LPCAT3: variants seen among roughly 807,000 people sequenced by gnomAD.
LPCAT3 encodes lysophospholipid acyltransferase 5.
Under a neutral mutation model 63.4 loss-of-function variants are expected in LPCAT3, and 21 were observed. That is an observed-to-expected ratio of 0.33 (90% CI 0.23 to 0.48). The LOEUF (loss-of-function observed/expected upper bound fraction) is 0.48, where lower values mean the gene tolerates loss of function less well. LPCAT3 is among the 20% of genes least tolerant of loss of function. LPCAT3 has a pLI of 0.99. For synonymous variants in LPCAT3, 242 were observed against 227.5 expected, an observed-to-expected ratio of 1.06 and a Z score of -0.58; for missense variants, 451 against 590.6, an observed-to-expected ratio of 0.76 and a Z score of 2.45.
rs1356024395 is a variant in LPCAT3, at chr12:6,986,314, T to C, written c.152-2775A>G. 3.3e-5 allele frequency among the ~76,000 whole-genome samples: 5 copies of C among 152,310 alleles called. No homozygotes were observed. In the East Asian group the frequency reaches 7.7e-4, roughly 23 times the overall value. On this transcript the variant is annotated intron_variant, in intron 1 of 12. Coordinates refer to ENST00000261407, the MANE Select transcript of LPCAT3 (RefSeq NM_005768.6). ...TTTATGCTGATCCACTTCCACTGAATGAAGAGTAAACATATTTTTTCTTGC... is the reference window on the plus strand; with the variant it reads ...TTTATGCTGATCCACTTCCACTGAACGAAGAGTAAACATATTTTTTCTTGC...
intron 1 of LPCAT3, chr12:6,997,366 A>G (rs2018552687): frequency 7.0e-6 from 1 of 143,352 alleles, no homozygotes; most frequent in Admixed American, 7.3e-5. Context: ...TGCCCCCAAA[A>G]CAACAGCAAA....
chr12:6,979,005 G>C (rs1946440143), intron 7 of LPCAT3: 2 of 325,094 alleles, frequency 6.2e-6, no homozygotes, highest in Non-Finnish European at 5.6e-6. Flanking sequence ...GGCCCATATT[G>C]GATTTTAATT....
At position 6,981,583 on chromosome 12, in the gene LPCAT3, A is replaced by G. The variant is rs782317806; in HGVS notation, c.498+12T>C. On this transcript the variant is annotated intron_variant, in intron 5 of 12. Coordinates refer to ENST00000261407, the MANE Select transcript of LPCAT3 (RefSeq NM_005768.6). ...AAGTCTTGAACCTCTCTGCCGATGA[A>G]TGGGTACTTACCTGATCTTTCCCTC... 3 of 1,613,734 alleles carry G rather than the reference A, an allele frequency of 1.9e-6. No individual in the cohort carries two copies. The highest frequency in any genetic ancestry group is 2.2e-5 in the South Asian group (2 of 91,074).
At chr12:6,997,901 G>A (rs1946652265) in intron 1 of LPCAT3, among the ~76,000 whole-genome samples, 1 of 151,834 alleles carries the variant, frequency 6.6e-6, no homozygotes, top group African/African-American at 2.4e-5. Context: ...GCTGATTTTT[G>A]TATTTTTAGT....
rs1946598723 is a variant in LPCAT3, at chr12:6,992,469, G to A, written c.152-8930C>T. On this transcript the variant is annotated intron_variant, in intron 1 of 12. Transcript: ENST00000261407. ...TCACCGTCCTGATTTGTGCTAAGGC[G>A]CCAGCAGTTTTACCACCATTTTGCA... 2.6e-5 allele frequency among the ~76,000 whole-genome samples: 4 copies of A among 152,332 alleles called. No individual in the cohort carries two copies. In the South Asian group the frequency reaches 6.2e-4, roughly 24 times the overall value.
At chr12:7,001,263 T>G (rs1946685283) in intron 1 of LPCAT3, among the ~76,000 whole-genome samples, 1 of 152,048 alleles carries the variant, frequency 6.6e-6, no homozygotes. Context: ...GGGCGGGAGC[T>G]AGCAACGTGC....
chr12:6,988,753 TAA>T (rs1387512182), intron 1 of LPCAT3, among the ~76,000 whole-genome samples: 2 of 152,158 alleles, frequency 1.3e-5, no homozygotes, highest in Non-Finnish European at 2.9e-5. Context: ...GTCCTGAGGA[TAA>T]AATTCTCAGC....
Position 6,983,493 on chromosome 12 carries a change from C to T in LPCAT3, c.198G>A (p.Glu66=). Residue 66 remains glutamate (E), a synonymous_variant, in exon 2 of 13, where the codon GAG becomes GAA. Transcript: ENST00000261407. ...LFYRHYLFYK[E]TYLIHLFHTF... is the part of the protein sequence containing the mutation. ...TATGGAAGAGGTGGATGAGGTAGGTCTCCTTGTAGAAAAGGTAATGCCGAT... is the reference window on the plus strand; with the variant it reads ...TATGGAAGAGGTGGATGAGGTAGGTTTCCTTGTAGAAAAGGTAATGCCGAT... 1 of 1,613,196 alleles carries T rather than the reference C, an allele frequency of 6.2e-7. No homozygotes were observed. The highest frequency in any genetic ancestry group is 8.5e-7 in the Non-Finnish European group (1 of 1,179,266).
intron 1 of LPCAT3, among the ~76,000 whole-genome samples, chr12:7,002,823 ACATGGTGAAACCC>A (rs1555156606): frequency 1.3e-5 from 2 of 152,298 alleles, no homozygotes. Flanking sequence ...AGCCTGGCCA[ACATGGTGAAACCC>A]CATCTCTACT....
chr12:6,979,217 T>C, intron 7 of LPCAT3: 1 of 529,924 alleles, frequency 1.9e-6, no homozygotes, highest in Non-Finnish European at 3.4e-6. Context: ...TAAGGCAAGC[T>C]AGGAGCGGCT....
intron 1 of LPCAT3, among the ~76,000 whole-genome samples, chr12:7,004,675 T>G (rs1317573261): frequency 1.3e-5 from 2 of 152,252 alleles, no homozygotes; most frequent in East Asian, 3.8e-4. Flanking sequence ...AATCTGAAAC[T>G]TCGGGTGTTC....
intron 1 of LPCAT3, among the ~76,000 whole-genome samples, chr12:6,990,916 CAAAA>C (rs59031613): frequency 2.9e-5 from 2 of 68,134 alleles, no homozygotes; most frequent in South Asian, 5.6e-4. Flanking sequence ...GACTCCAAAT[CAAAA>C]AAAAAAAAAA....
chr12:6,989,429 C>T (rs1208685619), intron 1 of LPCAT3, among the ~76,000 whole-genome samples: 3 of 151,562 alleles, frequency 2.0e-5, no homozygotes, highest in Non-Finnish European at 4.4e-5. Context: ...CCTGCCTCAG[C>T]CTCTCCGAGT....
intron 1 of LPCAT3, among the ~76,000 whole-genome samples, chr12:6,986,153 A>C (rs1022245619): frequency 5.7e-4 from 87 of 151,446 alleles, no homozygotes; most frequent in African/African-American, 1.9e-3. Flanking sequence ...AGTATAGTTG[A>C]CCCTTGATCA....
intron 1 of LPCAT3, among the ~76,000 whole-genome samples, chr12:6,999,139 T>C (rs1411270861): frequency 6.6e-6 from 1 of 152,234 alleles, no homozygotes; most frequent in African/African-American, 2.4e-5. Flanking sequence ...TGTTTGCTTA[T>C]CCTCCTATTG....
Position 6,983,299 on chromosome 12 carries a change from C to T in LPCAT3, c.259+133G>A, listed in dbSNP as rs1946488934. The stretch of plus-strand genomic sequence containing the variant: ...GGAAAAGTTAAGCTGTGTTCCTCTT[C>T]ATACAACCCTCTTTGCAAGTGGGAG... On this transcript the variant is annotated intron_variant, in intron 2 of 12. Transcript: ENST00000261407. 3 of 667,542 alleles carry T rather than the reference C, an allele frequency of 4.5e-6. No homozygotes were observed. In the East Asian group the frequency reaches 7.8e-5, roughly 17 times the overall value. 41.4% of individuals were successfully genotyped at this position (667,542 alleles called of 1,614,324 possible).
In LPCAT3 at chr12:6,983,428, T is replaced by C; in HGVS notation, c.259+4A>G. The C allele has an allele frequency of 6.3e-7, 1 of 1,578,150 alleles. No homozygotes were observed. Among genetic ancestry groups the C allele is most frequent in the Non-Finnish European group, 8.7e-7 (1 of 1,148,942 alleles). On this transcript the variant is annotated splice_donor_region_variant and intron_variant, in intron 2 of 12. Coordinates refer to ENST00000261407, the MANE Select transcript of LPCAT3 (RefSeq NM_005768.6). ...CGGTGTCACTGCTAATTTAGTTTAC[T>C]CACCAAAGTTAAAATAAGCAATTGA... is the stretch of plus-strand genomic sequence containing the variant.
intron 1 of LPCAT3, among the ~76,000 whole-genome samples, chr12:7,005,053 C>A (rs1287791105): frequency 1.3e-5 from 2 of 152,194 alleles, no homozygotes; most frequent in Admixed American, 6.5e-5. Context: ...CTATCTAATG[C>A]CAGAACATTA....
chr12:7,004,874 C>T (rs182923404), intron 1 of LPCAT3, among the ~76,000 whole-genome samples: 5 of 152,312 alleles, frequency 3.3e-5, no homozygotes, highest in Admixed American at 1.3e-4. Flanking sequence ...CACAGTCTTT[C>T]CAGTCTTACT....
Sources: allele counts gnomAD v4.1 joint callset (sites outside exome capture counted in the v4.1 genomes callset), GRCh38; gene constraint gnomAD v4.1.1; transcripts MANE v1.5; gene names NCBI Gene and HGNC (gene_info 2026-07-23, HGNC 2026-07-21).